Variants in SBK1 observed in about 807,000 individuals in gnomAD.
SBK1 encodes the protein SH3 domain binding kinase 1.
Under a neutral mutation model 24.4 loss-of-function variants are expected in SBK1, and 11 were observed. The ratio of observed to expected loss-of-function variants is 0.45; its 90% CI spans 0.28 to 0.75. The LOEUF (loss-of-function observed/expected upper bound fraction) is 0.75. SBK1 is among the 30% of genes least tolerant of loss of function. The probability of loss-of-function intolerance (pLI) is 0.12; values close to 1 mark genes in which losing one functional copy is unlikely to be tolerated. For synonymous variants in SBK1, 308 were observed against 284.4 expected, an observed-to-expected ratio of 1.08 and a Z score of -0.83; for missense variants, 467 against 620.5, an observed-to-expected ratio of 0.75 and a Z score of 2.63.
chr16:28,288,459 T>C (rs2044579763), upstream of SBK1, among the ~76,000 whole-genome samples: 1 of 152,226 alleles, frequency 6.6e-6, no homozygotes, highest in African/African-American at 2.4e-5. Flanking sequence ...TGGGAAAACT[T>C]TGAAGAGGGA....
At chr16:28,305,529 C>G (rs2044710310) in intron 1 of SBK1, among the ~76,000 whole-genome samples, 1 of 146,822 alleles carries the variant, frequency 6.8e-6, no homozygotes, top group Non-Finnish European at 1.5e-5. Flanking sequence ...GTCTCTCTTT[C>G]TTTGTTTCTT....
intron 1 of SBK1, among the ~76,000 whole-genome samples, chr16:28,310,760 C>G (rs2044748681): frequency 6.6e-6 from 1 of 152,116 alleles, no homozygotes; most frequent in African/African-American, 2.4e-5. Context: ...AACGGCCAGG[C>G]AGGTGGTAAG....
chr16:28,293,182 G>A lies in SBK1; in HGVS notation c.-126G>A. The A allele has an allele frequency of 1.0e-6, 1 of 985,456 alleles. No individual in the cohort carries two copies. 61.0% of individuals were successfully genotyped at this position (985,456 alleles called of 1,614,324 possible). The stretch of plus-strand genomic sequence containing the variant: ...CAGGACTTGGGCGACTGAGCCCCTG[G>A]CGGCACCGCTTGCACCCCGGTCCAT... On this transcript the variant is annotated 5_prime_UTR_variant, in exon 1 of 4. Coordinates refer to ENST00000341901, the MANE Select transcript of SBK1 (RefSeq NM_001024401.3).
At chr16:28,280,129 ATATATATATATATATATATATG>A (rs768322791) in intron 1 of SBK1, among the ~76,000 whole-genome samples, 1,130 of 66,118 alleles carry the variant, frequency 0.017, 43 homozygotes, top group East Asian at 0.039. Flanking sequence ...ATATATATAT[ATATATATATATATATATATATG>A]TGTGTGTGTG....
At position 28,323,777 on chromosome 16, in the gene SBK1, G is replaced by A. The variant is rs1271217606; in HGVS notation, c.*2856G>A. 1 of 152,550 alleles carries A rather than the reference G, an allele frequency of 6.6e-6. No homozygotes were observed. Among genetic ancestry groups the A allele is most frequent in the Non-Finnish European group, 1.5e-5 (1 of 68,048 alleles). The allele number at this position is 152,550 out of a possible 1,614,324, so 9.4% of individuals were successfully genotyped here. The stretch of plus-strand genomic sequence containing the variant: ...TCTGGCATCCTTTGGCCCTGAGAAG[G>A]TTTTTAAATGTGTTATTTACTTCTC... On this transcript the variant is annotated 3_prime_UTR_variant, in exon 4 of 4. Transcript: ENST00000341901.
At chr16:28,311,484 G>C (rs998299294) in intron 1 of SBK1, among the ~76,000 whole-genome samples, 8 of 151,966 alleles carry the variant, frequency 5.3e-5, no homozygotes, top group African/African-American at 1.9e-4. Context: ...CATCGCTTGA[G>C]GCTAGGAGTT....
At chr16:28,262,057 G>C (rs1432039805) in intron 1 of SBK1, among the ~76,000 whole-genome samples, 1 of 152,234 alleles carries the variant, frequency 6.6e-6, no homozygotes, top group African/African-American at 2.4e-5. Context: ...GCCAGGTGGT[G>C]AAGCTAAAAA....
upstream of SBK1, among the ~76,000 whole-genome samples, chr16:28,290,041 G>A (rs2044589059): frequency 6.7e-6 from 1 of 149,588 alleles, no homozygotes; most frequent in South Asian, 2.1e-4. Context: ...AGCCATGATT[G>A]CACCACTACA....
At chr16:28,262,428 T>C (rs2044403364) in intron 1 of SBK1, among the ~76,000 whole-genome samples, 1 of 152,166 alleles carries the variant, frequency 6.6e-6, no homozygotes, top group Admixed American at 6.5e-5. Context: ...CAGGCATTTG[T>C]AGGGAAAGAA....
At chr16:28,303,157 G>T (rs956246978) in intron 1 of SBK1, among the ~76,000 whole-genome samples, 23 of 151,680 alleles carry the variant, frequency 1.5e-4, no homozygotes, top group Non-Finnish European at 2.5e-4. Context: ...GGCAGAATAT[G>T]GGGGGGAGAT....
At chr16:28,316,656 G>A (rs1343777171) in intron 1 of SBK1, among the ~76,000 whole-genome samples, 1 of 151,986 alleles carries the variant, frequency 6.6e-6, no homozygotes, top group Non-Finnish European at 1.5e-5. Flanking sequence ...CATGGCACAC[G>A]TTTACCTATG....
chr16:28,293,420 C>T, intron 1 of SBK1, 120 bp downstream of exon 1: 1 of 386,496 alleles, frequency 2.6e-6, no homozygotes. Flanking sequence ...GCCATGGAGC[C>T]GAGGCTGAAG....
intron 1 of SBK1, among the ~76,000 whole-genome samples, chr16:28,303,515 T>C (rs1437634284): frequency 1.5e-5 from 2 of 130,928 alleles, no homozygotes; most frequent in Non-Finnish European, 3.3e-5. Context: ...TTCTTTTTTT[T>C]TTTTTTTTTT....
At chr16:28,314,035 A>G (rs1293177079) in intron 1 of SBK1, among the ~76,000 whole-genome samples, 3 of 145,456 alleles carry the variant, frequency 2.1e-5, no homozygotes, top group Admixed American at 7.4e-5. Flanking sequence ...CTGGGCACCT[A>G]TGGAGCACTT....
At chr16:28,279,985 T>C (rs1398429329) in intron 1 of SBK1, among the ~76,000 whole-genome samples, 1 of 150,804 alleles carries the variant, frequency 6.6e-6, no homozygotes, top group Non-Finnish European at 1.5e-5. Context: ...GCTAGGTTTA[T>C]TTATTTATTT....
At chr16:28,269,582 A>G (rs1209943496) in intron 1 of SBK1, among the ~76,000 whole-genome samples, 1 of 151,494 alleles carries the variant, frequency 6.6e-6, no homozygotes, top group Non-Finnish European at 1.5e-5. Flanking sequence ...AAAGGATAAA[A>G]ATAGGCTGGG....
chr16:28,261,709 G>A lies in SBK1; in HGVS notation c.257+2207G>A, dbSNP rs2044398986. On this transcript the variant is annotated intron_variant, in intron 1 of 3. Coordinates refer to the SBK1 transcript ENST00000671413. Reference sequence around the variant, plus strand: ...TACTACACTCCCAGACCCTGCATCGGAGATTTTGCAGCTTCAGGTCTTAGG... The same window carrying A: ...TACTACACTCCCAGACCCTGCATCGAAGATTTTGCAGCTTCAGGTCTTAGG... Among the ~76,000 whole-genome samples the A allele has an allele frequency of 2.0e-5, 3 of 152,196 alleles. No homozygotes were observed. In the South Asian group the frequency reaches 6.2e-4, roughly 32 times the overall value.
intron 1 of SBK1, among the ~76,000 whole-genome samples, chr16:28,295,660 G>A (rs1161813136): frequency 6.6e-6 from 1 of 152,070 alleles, no homozygotes; most frequent in Admixed American, 6.6e-5. Flanking sequence ...GATTTTTGTT[G>A]GTCCAATGTA....
upstream of SBK1, among the ~76,000 whole-genome samples, chr16:28,289,755 G>A (rs553976980): frequency 1.0e-3 from 154 of 146,862 alleles, 3 homozygotes; most frequent in South Asian, 0.033. Flanking sequence ...CAATAAGAGT[G>A]AAACTCCATC....
Sources: allele counts gnomAD v4.1 joint callset (sites outside exome capture counted in the v4.1 genomes callset), GRCh38; gene constraint gnomAD v4.1.1; transcripts MANE v1.5; gene names NCBI Gene and HGNC (gene_info 2026-07-23, HGNC 2026-07-21).